The following CXCL13 variants were observed in gnomAD, a reference collection of about 807,000 sequenced individuals.
CXCL13 encodes C-X-C motif chemokine 13.
CXCL13 carries 7 observed loss-of-function variants against 12.2 expected under a neutral mutation model. The ratio of observed to expected loss-of-function variants is 0.57; its 90% CI spans 0.33 to 1.07. CXCL13 has a LOEUF of 1.07. CXCL13 is among the 50% of genes least tolerant of loss of function. The probability of loss-of-function intolerance (pLI) is 0.04; values close to 1 mark genes in which losing one functional copy is unlikely to be tolerated. For synonymous variants in CXCL13, 47 were observed against 42.4 expected (o/e 1.11, Z -0.42); for missense variants, 113 against 127.4 (o/e 0.89, Z 0.55).
intron 1 of CXCL13, among the ~76,000 whole-genome samples, chr4:77,554,841 A>T (rs1376836029): frequency 6.6e-6 from 1 of 152,108 alleles, no homozygotes; most frequent in Admixed American, 6.5e-5. Context: ...TGTATTATAG[A>T]TCATATCACA....
intron 1 of CXCL13, among the ~76,000 whole-genome samples, chr4:77,582,116 G>T (rs355683): frequency 0.25 from 37,254 of 151,848 alleles, 4,863 homozygotes; most frequent in South Asian, 0.33. Flanking sequence ...TTAAAAAGTC[G>T]GTGGAAAGTG....
intron 1 of CXCL13, among the ~76,000 whole-genome samples, chr4:77,515,662 C>G (rs1049069103): frequency 6.6e-6 from 1 of 152,032 alleles, no homozygotes; most frequent in South Asian, 2.1e-4. Context: ...GATTTTGTAT[C>G]CTGAGACTTT....
Position 77,552,452 on chromosome 4 carries a change from G to T in CXCL13, c.-43+40664G>T, listed in dbSNP as rs535542884. On this transcript the variant is annotated intron_variant, in intron 1 of 4. Transcript: ENST00000286758. ...AGATGGCACTTATGGGTAAGAGCCAGCTGTGGCCAGTACAGCTGGGTATAT... is the reference window on the plus strand; with the variant it reads ...AGATGGCACTTATGGGTAAGAGCCATCTGTGGCCAGTACAGCTGGGTATAT... Among the ~76,000 whole-genome samples the T allele has an allele frequency of 3.9e-5, 6 of 152,360 alleles. No individual in the cohort carries two copies. In the South Asian group the frequency reaches 1.2e-3, roughly 32 times the overall value.
chr4:77,519,283 T>C (rs1724513361), intron 1 of CXCL13, among the ~76,000 whole-genome samples: 1 of 152,194 alleles, frequency 6.6e-6, no homozygotes, highest in South Asian at 2.1e-4. Flanking sequence ...TTCTCAGATC[T>C]CCAGCTGCGT....
chr4:77,519,786 G>C (rs529118875), intron 1 of CXCL13, among the ~76,000 whole-genome samples: 2 of 152,222 alleles, frequency 1.3e-5, no homozygotes, highest in East Asian at 1.9e-4. Context: ...TCAAGTCCTT[G>C]CCCATGCCTA....
upstream of CXCL13, among the ~76,000 whole-genome samples, chr4:77,603,703 G>A (rs1473593613): frequency 3.3e-5 from 5 of 152,128 alleles, no homozygotes; most frequent in African/African-American, 1.2e-4. Context: ...GATGGATGGG[G>A]GTGGTGGATG....
chr4:77,550,508 T>C (rs1363559845), intron 1 of CXCL13, among the ~76,000 whole-genome samples: 4 of 152,244 alleles, frequency 2.6e-5, no homozygotes, highest in African/African-American at 7.2e-5. Context: ...TTTCCCTTTT[T>C]TTAAACTTAC....
intron 1 of CXCL13, among the ~76,000 whole-genome samples, chr4:77,571,645 G>A (rs570811393): frequency 4.0e-5 from 6 of 151,864 alleles, no homozygotes; most frequent in East Asian, 3.9e-4. Context: ...TCAGTGCCCC[G>A]ACAAAACAAG....
chr4:77,569,085 C>A (rs1726004469), intron 1 of CXCL13, among the ~76,000 whole-genome samples: 1 of 152,104 alleles, frequency 6.6e-6, no homozygotes. Context: ...AAATGAGAAA[C>A]AAGTTTAGCT....
chr4:77,553,817 A>C (rs1472730002), intron 1 of CXCL13, among the ~76,000 whole-genome samples: 3 of 152,192 alleles, frequency 2.0e-5, no homozygotes, highest in African/African-American at 4.8e-5. Context: ...TGGAAAAAAT[A>C]AATTTTTTTT....
intron 1 of CXCL13, among the ~76,000 whole-genome samples, chr4:77,572,747 G>C (rs569533761): frequency 6.6e-6 from 1 of 151,726 alleles, no homozygotes; most frequent in East Asian, 1.9e-4. Context: ...TATACCAAAG[G>C]GAATATAAAT....
chr4:77,539,867 G>A (rs1036765419), intron 1 of CXCL13, among the ~76,000 whole-genome samples: 1 of 152,010 alleles, frequency 6.6e-6, no homozygotes, highest in African/African-American at 2.4e-5. Flanking sequence ...GTGGGGGTAG[G>A]GGGGGAATCC....
At chr4:77,572,786 T>C (rs1383780994) in intron 1 of CXCL13, among the ~76,000 whole-genome samples, 3 of 151,902 alleles carry the variant, frequency 2.0e-5, no homozygotes, top group African/African-American at 7.3e-5. Context: ...CATGCACACA[T>C]ATATTCATTG....
At chr4:77,562,867 C>A (rs1038208400) in intron 1 of CXCL13, among the ~76,000 whole-genome samples, 2 of 152,118 alleles carry the variant, frequency 1.3e-5, no homozygotes, top group Non-Finnish European at 2.9e-5. Flanking sequence ...GTAAAACACA[C>A]CAATCAGCTC....
At chr4:77,554,054 G>A (rs1320463924) in intron 1 of CXCL13, among the ~76,000 whole-genome samples, 1 of 152,012 alleles carries the variant, frequency 6.6e-6, no homozygotes, top group African/African-American at 2.4e-5. Context: ...ATATCGTGTT[G>A]TATACCTTAA....
At chr4:77,570,032 C>T (rs898163777) in intron 1 of CXCL13, among the ~76,000 whole-genome samples, 2 of 152,158 alleles carry the variant, frequency 1.3e-5, no homozygotes. Context: ...AAAAAGGACT[C>T]CCTATTCAAT....
chr4:77,514,572 T>C (rs1227614366), intron 1 of CXCL13, among the ~76,000 whole-genome samples: 1 of 147,448 alleles, frequency 6.8e-6, no homozygotes, highest in Non-Finnish European at 1.5e-5. Flanking sequence ...GTGAGCATTT[T>C]TTCATGTGTT....
chr4:77,540,727 A>G (rs951980600), intron 1 of CXCL13, among the ~76,000 whole-genome samples: 11 of 152,206 alleles, frequency 7.2e-5, no homozygotes, highest in African/African-American at 1.7e-4. Context: ...TGTGATGAAC[A>G]TGCAAGTGCG....
intron 1 of CXCL13, among the ~76,000 whole-genome samples, chr4:77,527,926 C>A (rs1724807939): frequency 6.6e-6 from 1 of 152,084 alleles, no homozygotes; most frequent in African/African-American, 2.4e-5. Context: ...CTATCCCTCC[C>A]CTATCCCCCC....
Sources: gnomAD v4.1 joint callset for allele counts (sites outside exome capture counted in the v4.1 genomes callset) on GRCh38, gnomAD v4.1.1 for gene constraint, MANE v1.5 for transcripts, NCBI Gene and HGNC (gene_info 2026-07-23, HGNC 2026-07-21) for gene names.